CPED1: variants seen among roughly 807,000 people sequenced by gnomAD.
The protein encoded by CPED1 is cadherin-like and PC-esterase domain-containing protein 1.
In CPED1, 114 loss-of-function variants were observed where a neutral mutation model predicts 128.2. That is an observed-to-expected ratio of 0.89 (90% confidence interval 0.76 to 1.04). The LOEUF is 1.04. Among genes scored for constraint, CPED1 ranks in the 50% least tolerant of loss-of-function variants. The pLI is 0.00. For synonymous variants in CPED1, 462 were observed against 426.7 expected, an observed-to-expected ratio of 1.08 and a Z score of -1.02; for missense variants, 1,211 against 1,207.1, an observed-to-expected ratio of 1.00 and a Z score of -0.05.
chr7:121,044,650 C>CTTTTTTTTTTTTTTTT (rs58884492), intron 3 of CPED1, among the ~76,000 whole-genome samples: 1 of 106,038 alleles, frequency 9.4e-6, no homozygotes, highest in African/African-American at 3.4e-5. Flanking sequence ...ACTTTCTGCT[C>CTTTTTTTTTTTTTTTT]TTTTTTTTTT....
chr7:121,024,370 G>A (rs1205158836), intron 3 of CPED1, among the ~76,000 whole-genome samples: 5 of 152,060 alleles, frequency 3.3e-5, no homozygotes, highest in Admixed American at 6.6e-5. Context: ...CCAGTGTCTC[G>A]TTTTTACTCC....
intron 16 of CPED1, among the ~76,000 whole-genome samples, chr7:121,227,577 C>T (rs1798043479): frequency 1.3e-5 from 2 of 152,014 alleles, no homozygotes; most frequent in African/African-American, 4.8e-5. Flanking sequence ...GACTATAAAA[C>T]CAATGATTTG....
intron 3 of CPED1, among the ~76,000 whole-genome samples, chr7:121,044,184 CTT>C (rs1214405913): frequency 6.6e-6 from 1 of 151,834 alleles, no homozygotes; most frequent in East Asian, 1.9e-4. Context: ...ACAAGTGAAA[CTT>C]CATTAAAAAA....
intron 18 of CPED1, among the ~76,000 whole-genome samples, chr7:121,253,365 T>A (rs1423174834): frequency 2.7e-5 from 4 of 150,116 alleles, no homozygotes; most frequent in Non-Finnish European, 4.4e-5. Context: ...TAATTCTAAA[T>A]GACGAGTTAA....
At chr7:121,287,287 ACACACACT>A (rs1320587363) in intron 22 of CPED1, among the ~76,000 whole-genome samples, 1 of 152,106 alleles carries the variant, frequency 6.6e-6, no homozygotes, top group Non-Finnish European at 1.5e-5. Context: ...AGACACACAC[ACACACACT>A]CACACACTCA....
chr7:121,163,539 C>T (rs1796457603), intron 16 of CPED1, among the ~76,000 whole-genome samples: 1 of 152,194 alleles, frequency 6.6e-6, no homozygotes, highest in South Asian at 2.1e-4. Context: ...ACATCAAGGC[C>T]ATGAACAATT....
chr7:121,295,842 C>G lies in CPED1; in HGVS notation c.*190C>G, dbSNP rs1335312600. ...AACACTTCTTACAGCTTTATGAATT[C>G]AAGATGTGACCTTGAACACCAGTCC... On this transcript the variant is annotated 3_prime_UTR_variant, in exon 23 of 23. Coordinates refer to ENST00000310396, the MANE Select transcript of CPED1 (RefSeq NM_024913.5). The G allele has an allele frequency of 3.9e-6, 2 of 509,018 alleles. No individual in the cohort carries two copies. The highest frequency in any genetic ancestry group is 7.0e-6 in the Non-Finnish European group (2 of 286,144). 31.5% of individuals were successfully genotyped at this position (509,018 alleles called of 1,614,324 possible).
intron 5 of CPED1, among the ~76,000 whole-genome samples, chr7:121,082,091 A>G (rs1052328582): frequency 1.3e-5 from 2 of 152,186 alleles, no homozygotes; most frequent in Non-Finnish European, 2.9e-5. Flanking sequence ...GCTTGCAGCA[A>G]CCTAATTCCA....
At chr7:121,162,500 G>T (rs1233059842) in intron 16 of CPED1, among the ~76,000 whole-genome samples, 1 of 152,206 alleles carries the variant, frequency 6.6e-6, no homozygotes, top group Non-Finnish European at 1.5e-5. Context: ...AACTTAATGT[G>T]TGTGTGGGAG....
intron 16 of CPED1, 26 bp from the exon 17 acceptor site, chr7:121,236,688 A>T (rs1798262303): frequency 1.5e-6 from 2 of 1,365,238 alleles, no homozygotes; most frequent in African/African-American, 1.5e-5. Context: ...TTAATACAAC[A>T]ACTAATATCT....
chr7:121,248,860 G>T (rs1342105223), intron 18 of CPED1, among the ~76,000 whole-genome samples: 1 of 152,094 alleles, frequency 6.6e-6, no homozygotes, highest in Non-Finnish European at 1.5e-5. Context: ...GATAGACATA[G>T]AATTCAGAAT....
chr7:121,050,215 T>C (rs574040779), intron 4 of CPED1, among the ~76,000 whole-genome samples: 14 of 152,346 alleles, frequency 9.2e-5, no homozygotes, highest in African/African-American at 3.1e-4. Context: ...TAAATATTTC[T>C]CAGATCTGTT....
rs774579459 is a variant in CPED1, at chr7:121,244,199, C to T, written c.2174-3C>T. On this transcript the variant is annotated splice_polypyrimidine_tract_variant and splice_region_variant and intron_variant, in intron 17 of 22. Transcript: ENST00000310396. The stretch of plus-strand genomic sequence containing the variant: ...CCAAAGAAAGTTTTGCCATCTATTC[C>T]AGGCCAGTGGATTGTGCCTTGCCTT... 1.2e-6 allele frequency: 2 copies of T among 1,614,120 alleles called. No individual in the cohort carries two copies. The highest frequency in any genetic ancestry group is 2.2e-5 in the South Asian group (2 of 91,088).
chr7:121,007,941 G>T (rs1332172934), intron 2 of CPED1, among the ~76,000 whole-genome samples: 1 of 151,048 alleles, frequency 6.6e-6, no homozygotes, highest in African/African-American at 2.4e-5. Context: ...CCCTCTTATG[G>T]TTTAGTGACT....
intron 16 of CPED1, among the ~76,000 whole-genome samples, chr7:121,187,820 C>T (rs1797038826): frequency 6.6e-6 from 1 of 152,056 alleles, no homozygotes; most frequent in Non-Finnish European, 1.5e-5. Flanking sequence ...CCCACTCACC[C>T]CATTTTACAA....
At chr7:121,212,249 A>G (rs924044363) in intron 16 of CPED1, among the ~76,000 whole-genome samples, 2 of 151,984 alleles carry the variant, frequency 1.3e-5, no homozygotes, top group African/African-American at 4.8e-5. Context: ...TCTGTTCCAG[A>G]TTGTCTTGTG....
At chr7:121,101,088 T>C (rs1297128801) in intron 7 of CPED1, among the ~76,000 whole-genome samples, 1 of 152,178 alleles carries the variant, frequency 6.6e-6, no homozygotes, top group Non-Finnish European at 1.5e-5. Context: ...GTTTATGTTT[T>C]CCTATGATTT....
At chr7:121,122,206 T>A (rs1346394860) in intron 7 of CPED1, among the ~76,000 whole-genome samples, 2 of 148,818 alleles carry the variant, frequency 1.3e-5, no homozygotes, top group Non-Finnish European at 3.0e-5. Flanking sequence ...ATTGGTGTGA[T>A]CTCGGATCAC....
At chr7:121,117,116 T>TATATA (rs1584523372) in intron 7 of CPED1, among the ~76,000 whole-genome samples, 1 of 145,914 alleles carries the variant, frequency 6.9e-6, no homozygotes, top group Non-Finnish European at 1.5e-5. Flanking sequence ...TATATATATG[T>TATATA]TTGAGATGGA....
Sources: allele counts gnomAD v4.1 joint callset (sites outside exome capture counted in the v4.1 genomes callset), GRCh38; gene constraint gnomAD v4.1.1; transcripts MANE v1.5; gene names NCBI Gene and HGNC (gene_info 2026-07-23, HGNC 2026-07-21).